POLN: variants seen among roughly 807,000 people sequenced by gnomAD.
POLN encodes DNA polymerase N.
In POLN, 108 loss-of-function variants were observed where a neutral mutation model predicts 113.5. The ratio of observed to expected loss-of-function variants is 0.95; its 90% confidence interval spans 0.81 to 1.12. The LOEUF (loss-of-function observed/expected upper bound fraction) is 1.12, where lower values mean the gene tolerates loss of function less well. Ranked by LOEUF, POLN falls within the 50% of genes most tolerant of loss-of-function variation. The probability of loss-of-function intolerance (pLI) is 0.00; values close to 1 mark genes in which losing one functional copy is unlikely to be tolerated. For synonymous variants in POLN, 386 were observed against 391.5 expected (o/e 0.99, Z 0.17); for missense variants, 1,097 against 1,077.1 (o/e 1.02, Z -0.26).
At position 2,115,227 on chromosome 4, in the gene POLN, TA is replaced by T. The variant is rs1194184815; in HGVS notation, c.1982+12885del. 7.0e-4 allele frequency among the ~76,000 whole-genome samples: 52 copies of T among 74,750 alleles called. 1 individual carries two copies. The highest frequency in any genetic ancestry group is 6.1e-3 in the Middle Eastern group (1 of 164). The allele number at this position is 74,750 out of a possible 152,430, so 49.0% of individuals were successfully genotyped here. The stretch of plus-strand genomic sequence containing the variant: ...CCACAGCTATATATATATATATATA[TA>T]TTTTTTTTTTTGTAGTTTTAGTAGA... On this transcript the variant is annotated intron_variant, in intron 19 of 25. Transcript: ENST00000511885.
At chr4:2,153,702 C>T (rs1043978253) in intron 16 of POLN, among the ~76,000 whole-genome samples, 1 of 151,738 alleles carries the variant, frequency 6.6e-6, no homozygotes, top group East Asian at 2.0e-4. Context: ...CCTGCCTCAG[C>T]CTCCCAAGTA....
intron 19 of POLN, among the ~76,000 whole-genome samples, chr4:2,112,428 C>T (rs1424356858): frequency 2.1e-3 from 320 of 151,914 alleles, no homozygotes; most frequent in African/African-American, 7.3e-3. Context: ...CAAAAGAAAC[C>T]ACCATCAGAG....
At chr4:2,081,187 G>C in intron 22 of POLN, 151 bp from the exon 23 acceptor site, 1 of 1,589,070 alleles carries the variant, frequency 6.3e-7, no homozygotes, top group Non-Finnish European at 8.5e-7. Flanking sequence ...GATGACTGCA[G>C]GCAGACACTT....
At chr4:2,233,708 C>G (rs900810768) in intron 2 of POLN, among the ~76,000 whole-genome samples, 2 of 152,152 alleles carry the variant, frequency 1.3e-5, no homozygotes, top group Non-Finnish European at 2.9e-5. Context: ...AAATCTATGT[C>G]TACCTACATC....
At chr4:2,229,032 T>C in intron 3 of POLN, 67 bp downstream of exon 3, 2 of 1,458,904 alleles carry the variant, frequency 1.4e-6, no homozygotes, top group East Asian at 2.3e-5. Context: ...CATTTTCAAT[T>C]CTTAGTCTTT....
chr4:2,149,735 A>C (rs1208966827), intron 16 of POLN, among the ~76,000 whole-genome samples: 2 of 152,124 alleles, frequency 1.3e-5, no homozygotes, highest in African/African-American at 4.8e-5. Flanking sequence ...GCAGTGAGCT[A>C]TGATTACATC....
chr4:2,128,985 G>A, intron 18 of POLN, among the ~76,000 whole-genome samples, 194 bp downstream of exon 18: 1 of 150,506 alleles, frequency 6.6e-6, no homozygotes, highest in East Asian at 2.0e-4. Context: ...AACCCAGGAG[G>A]CAGAGGTTGC....
At chr4:2,200,526 G>A (rs1211011527) in intron 5 of POLN, among the ~76,000 whole-genome samples, 4 of 152,168 alleles carry the variant, frequency 2.6e-5, no homozygotes, top group Non-Finnish European at 2.9e-5. Flanking sequence ...CCCACAGACG[G>A]TTCACATCAC....
At chr4:2,095,481 G>C (rs1730766610) in intron 20 of POLN, among the ~76,000 whole-genome samples, 1 of 152,236 alleles carries the variant, frequency 6.6e-6, no homozygotes, top group Non-Finnish European at 1.5e-5. Context: ...ATGAGTCCAA[G>C]CGCTGCACAC....
At chr4:2,240,618 A>G in intron 2 of POLN, 1 of 1,613,230 alleles carries the variant, frequency 6.2e-7, no homozygotes. Context: ...CTTTAATTTC[A>G]GTAGAGTTTG....
rs545897981 is a variant in POLN, at chr4:2,119,325, G to A, written c.1982+8788C>T. Among the ~76,000 whole-genome samples the A allele has an allele frequency of 4.6e-5, 7 of 152,348 alleles. No individual in the cohort carries two copies. The South Asian group carries it at 8.3e-4, about 18-fold the overall frequency. On this transcript the variant is annotated intron_variant, in intron 19 of 25. Coordinates refer to ENST00000511885, the MANE Select transcript of POLN (RefSeq NM_181808.4). ...GGAATTCACCTAATGAGCCAAAGAC[G>A]TGATGGTTCCTTGAAGAAGGCGCCT...
At chr4:2,095,984 G>T in intron 19 of POLN, 51 bp from the exon 20 acceptor site, 1 of 1,509,556 alleles carries the variant, frequency 6.6e-7, no homozygotes, top group Non-Finnish European at 9.2e-7. Flanking sequence ...CACTGTCAGT[G>T]CAGGGCAGAC....
chr4:2,135,298 T>C (rs1731826523), intron 16 of POLN, among the ~76,000 whole-genome samples: 1 of 152,122 alleles, frequency 6.6e-6, no homozygotes, highest in South Asian at 2.1e-4. Flanking sequence ...GAACCACATG[T>C]GTTTCTTCTG....
intron 20 of POLN, among the ~76,000 whole-genome samples, chr4:2,092,883 C>A (rs1730700616): frequency 6.6e-6 from 1 of 152,186 alleles, no homozygotes; most frequent in Admixed American, 6.5e-5. Flanking sequence ...AAGTTTCAAA[C>A]ACAAGGAGAA....
At chr4:2,136,980 GT>G (rs1731873125) in intron 16 of POLN, among the ~76,000 whole-genome samples, 1 of 152,234 alleles carries the variant, frequency 6.6e-6, no homozygotes, top group South Asian at 2.1e-4. Context: ...GTGCCAGGCT[GT>G]GTGAGGCACC....
chr4:2,142,404 G>T (rs1732025187), intron 16 of POLN, among the ~76,000 whole-genome samples: 1 of 152,218 alleles, frequency 6.6e-6, no homozygotes, highest in African/African-American at 2.4e-5. Context: ...GTGCTATCAA[G>T]TATTTTGTTC....
At chr4:2,228,259 AAC>A (rs5855727) in intron 3 of POLN, 51 of 158,974 alleles carry the variant, frequency 3.2e-4, no homozygotes, top group South Asian at 2.5e-3. Flanking sequence ...AAAAAAAAAA[AAC>A]ACCAACAAAA....
At chr4:2,103,231 G>T (rs1577693775) in intron 19 of POLN, among the ~76,000 whole-genome samples, 1 of 151,886 alleles carries the variant, frequency 6.6e-6, no homozygotes, top group Non-Finnish European at 1.5e-5. Context: ...ACTTACCAAA[G>T]AAATAGATAT....
chr4:2,173,687 G>A lies in POLN; in HGVS notation c.1374+268C>T, dbSNP rs570128936. On this transcript the variant is annotated intron_variant, in intron 11 of 25. Coordinates refer to ENST00000511885, the MANE Select transcript of POLN (RefSeq NM_181808.4). ...AAGAATTCCTTCACCAAACTACAGG[G>A]GACAATGTCCCTGTAAGAAAAACGT... Among the ~76,000 whole-genome samples the A allele has an allele frequency of 2.0e-5, 3 of 151,920 alleles. No homozygotes were observed. In the South Asian group the frequency reaches 6.2e-4, roughly 32 times the overall value.
Sources: gnomAD v4.1 joint callset for allele counts (sites outside exome capture counted in the v4.1 genomes callset) on GRCh38, gnomAD v4.1.1 for gene constraint, MANE v1.5 for transcripts, NCBI Gene and HGNC (gene_info 2026-07-23, HGNC 2026-07-21) for gene names.